KCNIP4: variants seen among roughly 807,000 people sequenced by gnomAD.
KCNIP4 encodes the protein Kv channel-interacting protein 4.
KCNIP4 carries 12 observed loss-of-function variants against 34.0 expected under a neutral mutation model. The ratio of observed to expected loss-of-function variants is 0.35; its 90% CI spans 0.23 to 0.57. The LOEUF is 0.57. Ranked by LOEUF, KCNIP4 falls within the 20% of genes least tolerant of loss-of-function variation. KCNIP4 has a pLI of 0.83. For missense variants in KCNIP4, 238 were observed against 311.7 expected, an observed-to-expected ratio of 0.76 and a Z score of 1.78; for synonymous variants, 124 against 102.2, an observed-to-expected ratio of 1.21 and a Z score of -1.29.
intron 1 of KCNIP4, among the ~76,000 whole-genome samples, chr4:21,285,782 A>G (rs944919967): frequency 6.6e-6 from 1 of 152,122 alleles, no homozygotes; most frequent in Non-Finnish European, 1.5e-5. Flanking sequence ...CAGAGGTTGC[A>G]CTCAACCACG....
intron 1 of KCNIP4, among the ~76,000 whole-genome samples, chr4:21,695,861 T>C (rs1712253019): frequency 6.6e-6 from 1 of 152,146 alleles, no homozygotes; most frequent in Non-Finnish European, 1.5e-5. Context: ...CACCTCTTGC[T>C]CATTTTCAAA....
chr4:21,532,004 T>C (rs929969034), intron 1 of KCNIP4, among the ~76,000 whole-genome samples: 1 of 152,112 alleles, frequency 6.6e-6, no homozygotes, highest in Non-Finnish European at 1.5e-5. Context: ...GGTGCCTTGC[T>C]ATTTTCAGCA....
At chr4:21,435,215 T>C (rs1391289805) in intron 1 of KCNIP4, among the ~76,000 whole-genome samples, 1 of 152,172 alleles carries the variant, frequency 6.6e-6, no homozygotes, top group Non-Finnish European at 1.5e-5. Flanking sequence ...TTGAAAAATG[T>C]AAACCAAGAC....
chr4:21,008,403 A>G (rs1049742384), intron 1 of KCNIP4, among the ~76,000 whole-genome samples: 1 of 152,258 alleles, frequency 6.6e-6, no homozygotes, highest in Non-Finnish European at 1.5e-5. Flanking sequence ...ATGTTTGCCA[A>G]AGAGCTGCTC....
chr4:20,760,786 G>A (rs189822411), intron 3 of KCNIP4, among the ~76,000 whole-genome samples: 4 of 152,180 alleles, frequency 2.6e-5, no homozygotes, highest in East Asian at 1.9e-4. Context: ...TGGAAATAAT[G>A]ATGACCTCAA....
chr4:21,266,578 A>C (rs748976276), intron 1 of KCNIP4, among the ~76,000 whole-genome samples: 2 of 152,202 alleles, frequency 1.3e-5, no homozygotes, highest in African/African-American at 2.4e-5. Flanking sequence ...CTTATGGCTA[A>C]AGCTAAGAAG....
At chr4:21,353,135 T>A (rs183357535) in intron 1 of KCNIP4, among the ~76,000 whole-genome samples, 1 of 152,100 alleles carries the variant, frequency 6.6e-6, no homozygotes, top group East Asian at 1.9e-4. Flanking sequence ...CAAAACCCCA[T>A]CTGTAGGTCA....
intron 1 of KCNIP4, among the ~76,000 whole-genome samples, chr4:21,615,034 T>C (rs1377486456): frequency 1.7e-4 from 26 of 152,086 alleles, no homozygotes; most frequent in Admixed American, 1.7e-3. Flanking sequence ...TTGGCATCTA[T>C]GGGATAGGCT....
At chr4:21,271,839 T>G (rs903807384) in intron 1 of KCNIP4, among the ~76,000 whole-genome samples, 4 of 152,174 alleles carry the variant, frequency 2.6e-5, no homozygotes, top group Non-Finnish European at 5.9e-5. Context: ...CAGTGATTTA[T>G]CGAGAATGGG....
intron 1 of KCNIP4, among the ~76,000 whole-genome samples, chr4:21,726,919 T>C (rs972440631): frequency 6.6e-6 from 1 of 152,180 alleles, no homozygotes; most frequent in Non-Finnish European, 1.5e-5. Flanking sequence ...ATTCTTCCAT[T>C]ATTATGAGGG....
At chr4:21,542,107 T>A (rs1016515517) in intron 1 of KCNIP4, among the ~76,000 whole-genome samples, 2 of 152,216 alleles carry the variant, frequency 1.3e-5, no homozygotes, top group Non-Finnish European at 2.9e-5. Context: ...CATGTAGTTT[T>A]ATTTATGGGT....
At chr4:20,768,451 T>C (rs780665671) in intron 3 of KCNIP4, among the ~76,000 whole-genome samples, 17 of 152,094 alleles carry the variant, frequency 1.1e-4, no homozygotes, top group Non-Finnish European at 1.8e-4. Context: ...AGTCAAAAAT[T>C]GGATTCTAAA....
intron 5 of KCNIP4, among the ~76,000 whole-genome samples, chr4:20,738,267 T>A (rs571115710): frequency 3.5e-4 from 53 of 152,314 alleles, no homozygotes; most frequent in African/African-American, 1.3e-3. Flanking sequence ...TAAACGATAT[T>A]TTTAAAAATT....
intron 1 of KCNIP4, among the ~76,000 whole-genome samples, chr4:21,199,031 G>C (rs961467395): frequency 6.6e-6 from 1 of 152,124 alleles, no homozygotes; most frequent in South Asian, 2.1e-4. Context: ...CACTGATCTG[G>C]TGCTGTCCTT....
At chr4:21,866,962 AG>A (rs1165514169) in intron 1 of KCNIP4, among the ~76,000 whole-genome samples, 2 of 151,754 alleles carry the variant, frequency 1.3e-5, no homozygotes, top group Non-Finnish European at 2.9e-5. Context: ...TAGTAGAGAC[AG>A]GGTTTCACCA....
intron 3 of KCNIP4, among the ~76,000 whole-genome samples, chr4:20,816,031 C>T (rs1324011805): frequency 1.3e-5 from 2 of 151,992 alleles, no homozygotes; most frequent in Admixed American, 6.6e-5. Context: ...GATGGATCAT[C>T]TGAGGTCAGG....
chr4:21,490,902 C>G (rs760745058), intron 1 of KCNIP4, among the ~76,000 whole-genome samples: 1 of 151,958 alleles, frequency 6.6e-6, no homozygotes, highest in Non-Finnish European at 1.5e-5. Context: ...TAAGGAATGT[C>G]CTCTTTGAGG....
intron 1 of KCNIP4, among the ~76,000 whole-genome samples, chr4:21,220,503 A>C (rs545409203): frequency 6.6e-6 from 1 of 152,288 alleles, no homozygotes; most frequent in African/African-American, 2.4e-5. Context: ...GCACATGTAT[A>C]CATATGTAAC....
chr4:21,842,341 C>T (rs1441663688), intron 1 of KCNIP4, among the ~76,000 whole-genome samples: 2 of 151,948 alleles, frequency 1.3e-5, no homozygotes, highest in African/African-American at 4.8e-5. Context: ...CAATGAGATG[C>T]TTTTGCTTTT....
Sources: allele counts gnomAD v4.1 joint callset (sites outside exome capture counted in the v4.1 genomes callset), GRCh38; gene constraint gnomAD v4.1.1; transcripts MANE v1.5; gene names NCBI Gene and HGNC (gene_info 2026-07-23, HGNC 2026-07-21).